NRG1: variants seen among roughly 807,000 people sequenced by gnomAD.
NRG1 encodes neuregulin 1, also known as pro-neuregulin-1, membrane-bound isoform.
Under a neutral mutation model 63.8 loss-of-function variants are expected in NRG1, and 18 were observed. That is an observed-to-expected ratio of 0.28 (90% CI 0.19 to 0.42). NRG1 has a LOEUF of 0.42. Ranked by LOEUF, NRG1 falls within the 10% of genes least tolerant of loss-of-function variation. The pLI is 1.00. For synonymous variants in NRG1, 302 were observed against 301.3 expected (o/e 1.00, Z -0.02); for missense variants, 762 against 814.7 (o/e 0.94, Z 0.79).
intron 1 of NRG1, among the ~76,000 whole-genome samples, chr8:31,905,346 C>G (rs756201443): frequency 2.6e-5 from 4 of 152,110 alleles, no homozygotes; most frequent in Non-Finnish European, 5.9e-5. Flanking sequence ...CAAAAGACAA[C>G]AACATGAAAA....
At chr8:32,771,707 A>AAAAAAAAC (rs1272844056), downstream of NRG1, among the ~76,000 whole-genome samples, 5 of 2,660 alleles carry the variant, frequency 1.9e-3, 1 homozygote, top group Non-Finnish European at 8.4e-3. Flanking sequence ...CCATTTCTTT[A>AAAAAAAAC]AAAAAAAAAT....
At chr8:31,659,364 T>C (rs1332819755) in intron 1 of NRG1, among the ~76,000 whole-genome samples, 3 of 152,050 alleles carry the variant, frequency 2.0e-5, no homozygotes, top group African/African-American at 7.2e-5. Context: ...GCACCAAGAA[T>C]GAGCAATAAT....
At chr8:32,338,471 T>C (rs35241265) in intron 1 of NRG1, among the ~76,000 whole-genome samples, 78,954 of 151,868 alleles carry the variant, frequency 0.52, 21,393 homozygotes, top group Non-Finnish European at 0.61. Flanking sequence ...TATGAGGCAT[T>C]CATGCTCATT....
chr8:32,182,846 TAA>T (rs1313198041), intron 1 of NRG1, among the ~76,000 whole-genome samples: 3 of 152,170 alleles, frequency 2.0e-5, no homozygotes, highest in Non-Finnish European at 2.9e-5. Flanking sequence ...GTCATCAAAA[TAA>T]AAGAGTATCA....
chr8:31,654,627 G>A (rs1805240610), intron 1 of NRG1, among the ~76,000 whole-genome samples: 1 of 152,200 alleles, frequency 6.6e-6, no homozygotes, highest in South Asian at 2.1e-4. Flanking sequence ...TAAAATGGAT[G>A]AGAAGTTTGT....
At chr8:32,680,832 A>G (rs1258408227) in intron 5 of NRG1, among the ~76,000 whole-genome samples, 2 of 152,024 alleles carry the variant, frequency 1.3e-5, no homozygotes, top group African/African-American at 2.4e-5. Context: ...TTATCTTTGT[A>G]CCCCAAGCAT....
chr8:32,484,587 A>C (rs1206268900), intron 1 of NRG1, among the ~76,000 whole-genome samples: 1 of 152,120 alleles, frequency 6.6e-6, no homozygotes, highest in Non-Finnish European at 1.5e-5. Flanking sequence ...CATTTGTACA[A>C]TATACCTATG....
chr8:32,085,048 C>G (rs908454409), intron 1 of NRG1, among the ~76,000 whole-genome samples: 1 of 152,200 alleles, frequency 6.6e-6, no homozygotes, highest in African/African-American at 2.4e-5. Flanking sequence ...AGCGTAACTG[C>G]TGGGCTGCTC....
intron 1 of NRG1, among the ~76,000 whole-genome samples, chr8:32,083,859 C>T (rs555443577): frequency 4.0e-5 from 6 of 151,826 alleles, no homozygotes; most frequent in African/African-American, 4.8e-5. Flanking sequence ...ATAATGGTAG[C>T]GGTAATTATA....
chr8:31,841,102 A>G (rs777693273), intron 1 of NRG1, among the ~76,000 whole-genome samples: 4 of 152,186 alleles, frequency 2.6e-5, no homozygotes, highest in Non-Finnish European at 5.9e-5. Context: ...TAAAGTTACT[A>G]TACTTTGCCT....
chr8:31,738,019 CAG>C (rs1814864530), intron 1 of NRG1, among the ~76,000 whole-genome samples: 1 of 151,998 alleles, frequency 6.6e-6, no homozygotes, highest in Non-Finnish European at 1.5e-5. Context: ...CTTTAGGAAA[CAG>C]AGTTTTACAC....
At chr8:32,670,956 A>G (rs2128894133) in intron 5 of NRG1, among the ~76,000 whole-genome samples, 1 of 152,320 alleles carries the variant, frequency 6.6e-6, no homozygotes, top group East Asian at 1.9e-4. Context: ...TAAAGTAAAT[A>G]AAATCACACA....
At chr8:31,802,591 G>T (rs546496764) in intron 1 of NRG1, among the ~76,000 whole-genome samples, 1 of 152,012 alleles carries the variant, frequency 6.6e-6, no homozygotes, top group Non-Finnish European at 1.5e-5. Context: ...TGAAAAAGTC[G>T]CCCTTCCTAT....
chr8:31,815,508 T>A (rs988221208), intron 1 of NRG1, among the ~76,000 whole-genome samples: 4 of 152,190 alleles, frequency 2.6e-5, no homozygotes, highest in African/African-American at 9.6e-5. Context: ...CACGGGTACT[T>A]GGGTTGCTTC....
intron 5 of NRG1, among the ~76,000 whole-genome samples, chr8:32,721,419 C>A (rs1020731666): frequency 6.6e-6 from 1 of 152,150 alleles, no homozygotes; most frequent in Non-Finnish European, 1.5e-5. Flanking sequence ...GTGCTCCCAG[C>A]GTATTAGCTA....
intron 1 of NRG1, among the ~76,000 whole-genome samples, chr8:32,312,164 T>TTTG (rs1554504655): frequency 7.7e-6 from 1 of 130,322 alleles, no homozygotes; most frequent in Non-Finnish European, 1.6e-5. Context: ...TTTGTTTTTT[T>TTTG]TTTTTTTTTT....
At chr8:32,438,894 T>G (rs1819134201) in intron 1 of NRG1, among the ~76,000 whole-genome samples, 1 of 152,112 alleles carries the variant, frequency 6.6e-6, no homozygotes, top group Non-Finnish European at 1.5e-5. Context: ...TTTTGACTGT[T>G]GAGTTTTAAG....
chr8:32,691,008 A>G (rs1302547569), intron 5 of NRG1, among the ~76,000 whole-genome samples: 1 of 150,344 alleles, frequency 6.7e-6, no homozygotes, highest in African/African-American at 2.5e-5. Context: ...TAACTCCCCC[A>G]AGAAAAGACA....
intron 5 of NRG1, among the ~76,000 whole-genome samples, chr8:32,701,881 G>A (rs1427329376): frequency 6.6e-6 from 1 of 152,122 alleles, no homozygotes; most frequent in Non-Finnish European, 1.5e-5. Context: ...AAGTACATTT[G>A]AAAGTCCATA....
Sources: allele counts gnomAD v4.1 joint callset (sites outside exome capture counted in the v4.1 genomes callset), GRCh38; gene constraint gnomAD v4.1.1; transcripts MANE v1.5; gene names NCBI Gene and HGNC (gene_info 2026-07-23, HGNC 2026-07-21).